Variants in MOK observed in about 807,000 individuals in gnomAD.
MOK encodes the protein MAPK/MAK/MRK overlapping kinase.
Under a neutral mutation model 54.2 loss-of-function variants are expected in MOK, and 59 were observed. That is an observed-to-expected ratio of 1.09 (90% confidence interval 0.88 to 1.35). MOK has a LOEUF of 1.35. Ranked by LOEUF, MOK falls within the 40% of genes most tolerant of loss-of-function variation. The pLI, the probability that MOK is intolerant of heterozygous loss-of-function variation, is 0.00. For synonymous variants in MOK, 210 were observed against 202.7 expected (o/e 1.04, Z -0.31); for missense variants, 517 against 526.2 (o/e 0.98, Z 0.17).
At position 102,232,297 on chromosome 14, in the gene MOK, G is replaced by C. The variant is rs1399486562; in HGVS notation, c.866+238C>G. ...GTAGCCTTGGCATCAACCGCAAAGT[G>C]GACAGCCAGCCCCTCTTTCTCCTGC... On this transcript the variant is annotated intron_variant, in intron 9 of 11. Transcript: ENST00000361847. This position sits in a 1 kb window ranked among gnomAD's most constrained non-coding sequence, Gnocchi z 5.1. 2.2e-6 allele frequency: 1 copy of C among 462,132 alleles called. No individual in the cohort carries two copies. Among genetic ancestry groups the C allele is most frequent in the Non-Finnish European group, 3.8e-6 (1 of 264,946 alleles). The allele number at this position is 462,132 out of a possible 1,614,324, so 28.6% of individuals were successfully genotyped here. A position where few individuals can be genotyped will look rare whatever the true frequency, so the allele number is the denominator to read the frequency against.
At chr14:102,266,356 G>A (rs1038373235) in intron 2 of MOK, among the ~76,000 whole-genome samples, 29 of 151,088 alleles carry the variant, frequency 1.9e-4, no homozygotes, top group African/African-American at 6.6e-4. Context: ...CCAGGCTGGA[G>A]TGCAATGGTG....
At chr14:102,220,077 G>T (rs1279840626), downstream of MOK, among the ~76,000 whole-genome samples, 1 of 152,228 alleles carries the variant, frequency 6.6e-6, no homozygotes, top group East Asian at 1.9e-4. The surrounding 1 kb of genome is among the most constrained non-coding windows in gnomAD (Gnocchi z 4.2). Flanking sequence ...CTTTCTAGGG[G>T]TGCGGCTTTG....
At chr14:102,273,604 C>G (rs1382053633) in intron 2 of MOK, among the ~76,000 whole-genome samples, 1 of 152,012 alleles carries the variant, frequency 6.6e-6, no homozygotes, top group Non-Finnish European at 1.5e-5. Context: ...ATGACAAAAC[C>G]CTGTCTTCTA....
In MOK at chr14:102,233,836, A is replaced by G. The variant is rs771010948; in HGVS notation, c.591-47T>C. On this transcript the variant is annotated intron_variant, in intron 7 of 11. Coordinates refer to ENST00000361847, the MANE Select transcript of MOK (RefSeq NM_014226.3). ...TGTGGTCAGTGTTAGGGCAGAGCCA[A>G]CAGACCTCACCAATTACAAACCATC... 1.0e-5 allele frequency: 14 copies of G among 1,399,302 alleles called. 1 individual carries two copies. In the South Asian group the frequency reaches 1.6e-4, roughly 16 times the overall value. The allele number at this position is 1,399,302 out of a possible 1,614,324, so 86.7% of individuals were successfully genotyped here.
rs1479202785 is a variant in MOK at position 102,302,230 on chromosome 14, G to A, written c.7+2732C>T. 4.7e-5 allele frequency among the ~76,000 whole-genome samples: 7 copies of A among 148,580 alleles called. No individual in the cohort carries two copies. In the South Asian group the frequency reaches 6.4e-4, roughly 13 times the overall value. ...TGGGATTACAGGCACCTGCCACCAC[G>A]CCTGACTAATTTTTGTATTTTTAGT... On this transcript the variant is annotated intron_variant, in intron 1 of 11. Coordinates refer to ENST00000361847, the MANE Select transcript of MOK (RefSeq NM_014226.3).
At chr14:102,219,147 C>T in the MOK span, among the ~76,000 whole-genome samples, 21 of 152,244 alleles carry the variant, frequency 1.4e-4, no homozygotes, top group Admixed American at 2.6e-4. Flanking sequence ...GCCTAGGTGT[C>T]TGTTTCTCGT....
downstream of MOK, chr14:102,226,414 G>A: frequency 1.4e-6 from 1 of 703,058 alleles, no homozygotes; most frequent in Non-Finnish European, 2.6e-6. The surrounding 1 kb of genome is among the most constrained non-coding windows in gnomAD (Gnocchi z 4.8). Flanking sequence ...GGGTTCTGTG[G>A]GGATAATTCA....
Position 102,232,452 on chromosome 14 carries a change from G to A in MOK, c.866+83C>T. The stretch of plus-strand genomic sequence containing the variant: ...CCAAGAACCAGGGACCCTCCAGGGG[G>A]CAGTACCTTGCCCCACCATGTGCCC... On this transcript the variant is annotated intron_variant, in intron 9 of 11. Coordinates refer to ENST00000361847, the MANE Select transcript of MOK (RefSeq NM_014226.3). This position sits in a 1 kb window ranked among gnomAD's most constrained non-coding sequence, Gnocchi z 5.1. 4 of 1,479,672 alleles carry A rather than the reference G, an allele frequency of 2.7e-6. No individual in the cohort carries two copies. Among genetic ancestry groups the A allele is most frequent in the East Asian group, 2.3e-5 (1 of 43,770 alleles). The allele number at this position is 1,479,672 out of a possible 1,614,324, so 91.7% of individuals were successfully genotyped here. A position where few individuals can be genotyped will look rare whatever the true frequency, so the allele number is the denominator to read the frequency against.
chr14:102,239,834 C>A (rs2153096127), intron 7 of MOK, among the ~76,000 whole-genome samples: 1 of 152,264 alleles, frequency 6.6e-6, no homozygotes. Flanking sequence ...GTGCCCTGCA[C>A]TCCAGCCTGG....
At chr14:102,297,921 C>G (rs1375105402) in intron 1 of MOK, among the ~76,000 whole-genome samples, 7 of 152,220 alleles carry the variant, frequency 4.6e-5, no homozygotes, top group African/African-American at 1.2e-4. Context: ...CAGCTGCTAC[C>G]CACGAGGCAG....
intron 1 of MOK, 55 bp downstream of exon 1, chr14:102,304,907 T>TGCCC: frequency 1.1e-6 from 1 of 920,986 alleles, no homozygotes; most frequent in Non-Finnish European, 1.6e-6. Context: ...CCCCAGTCCC[T>TGCCC]CCCTCCCCCG....
intron 10 of MOK, chr14:102,229,959 CAAG>C: frequency 2.6e-6 from 1 of 380,832 alleles, no homozygotes; most frequent in Non-Finnish European, 4.7e-6. Flanking sequence ...GCTCTAGCTC[CAAG>C]GTCTCACACC....
At chr14:102,224,739 C>G (rs1429378817), downstream of MOK, 2 of 455,996 alleles carry the variant, frequency 4.4e-6, no homozygotes, top group Admixed American at 2.3e-5. Context: ...CTGCCCCACT[C>G]GAAGGCGCCA....
At chr14:102,290,306 G>A (rs1427036348) in intron 1 of MOK, among the ~76,000 whole-genome samples, 2 of 151,920 alleles carry the variant, frequency 1.3e-5, no homozygotes, top group Admixed American at 6.6e-5. Context: ...GGGTGTGGTG[G>A]TGCATGCCTC....
At chr14:102,261,385 CAAAAAAAAAAAAAAA>C (rs1178540689) in intron 4 of MOK, among the ~76,000 whole-genome samples, 7 of 6,484 alleles carry the variant, frequency 1.1e-3, no homozygotes, top group Non-Finnish European at 1.8e-3. Flanking sequence ...CGCCACGTCT[CAAAAAAAAAAAAAAA>C]AAAAAAAAAA....
intron 1 of MOK, among the ~76,000 whole-genome samples, chr14:102,288,774 G>A (rs1367555812): frequency 6.6e-6 from 1 of 152,206 alleles, no homozygotes; most frequent in African/African-American, 2.4e-5. Context: ...CTTGTGGGGT[G>A]AAGTGACCAG....
chr14:102,283,240 A>G, intron 2 of MOK: 1 of 382,690 alleles, frequency 2.6e-6, no homozygotes, highest in Non-Finnish European at 4.7e-6. Flanking sequence ...AAGGTGAGAC[A>G]CACTTTTGAA....
chr14:102,230,775 G>T lies in MOK; in HGVS notation c.981+932C>A, dbSNP rs2064614562. On this transcript the variant is annotated intron_variant, in intron 10 of 11. Transcript: ENST00000361847. This position sits in a 1 kb window ranked among gnomAD's most constrained non-coding sequence, Gnocchi z 4.1. ...TGTGGGATGAAGGAAGGGTCCACGG[G>T]GGGCCTGGGCAGTTGACGGAGTTGC... 6.5e-6 allele frequency: 1 copy of T among 152,750 alleles called. No individual in the cohort carries two copies. The allele number at this position is 152,750 out of a possible 1,614,324, so 9.5% of individuals were successfully genotyped here.
At chr14:102,247,613 T>C (rs2066188253) in intron 7 of MOK, 1 of 152,208 alleles carries the variant, frequency 6.6e-6, no homozygotes, top group South Asian at 2.1e-4. Flanking sequence ...ACAGATAGCT[T>C]GGAAGAGATA....
Sources: allele counts gnomAD v4.1 joint callset (sites outside exome capture counted in the v4.1 genomes callset), GRCh38; gene constraint gnomAD v4.1.1; non-coding constraint Gnocchi (gnomAD v3.1); transcripts MANE v1.5; gene names NCBI Gene and HGNC (gene_info 2026-07-23, HGNC 2026-07-21).